The following PPM1B variants were observed in gnomAD, a reference collection of about 807,000 sequenced individuals.
The protein encoded by PPM1B is protein phosphatase, Mg2+/Mn2+ dependent 1B.
A neutral mutation model predicts 43.0 loss-of-function variants in PPM1B; 22 were observed. The observed-to-expected ratio is 0.51, with a 90% CI of 0.37 to 0.73. The LOEUF (loss-of-function observed/expected upper bound fraction) is 0.73, where lower values mean the gene tolerates loss of function less well. Ranked by LOEUF, PPM1B falls within the 30% of genes least tolerant of loss-of-function variation. PPM1B has a pLI of 0.00. For missense variants in PPM1B, 632 were observed against 584.2 expected, an observed-to-expected ratio of 1.08 and a Z score of -0.84; for synonymous variants, 217 against 197.9, an observed-to-expected ratio of 1.10 and a Z score of -0.81.
downstream of PPM1B, chr2:44,233,152 GGTT>G (rs1234369909): frequency 1.0e-6 from 1 of 966,066 alleles, no homozygotes; most frequent in East Asian, 1.1e-4. Flanking sequence ...TTTACATGTG[GGTT>G]TCTATAGTTT....
rs1444824670 is a variant in PPM1B at position 44,241,295 on chromosome 2, G to T, written n.1547-2933G>T. ...TGGGATTACAGGTGTGAGCCACCGTGCCCGGCCAGGAAGCATCTTAACAAT... is the reference window on the plus strand; with the variant it reads ...TGGGATTACAGGTGTGAGCCACCGTTCCCGGCCAGGAAGCATCTTAACAAT... On this transcript the variant is annotated intron_variant and non_coding_transcript_variant, in intron 5 of 5. Transcript: ENST00000378540. Among the ~76,000 whole-genome samples, 3 of 144,288 alleles carry T rather than the reference G, an allele frequency of 2.1e-5. 1 individual carries two copies. The East Asian group carries it at 6.3e-4, about 31-fold the overall frequency. The allele number at this position is 144,288 out of a possible 152,430, so 94.7% of individuals were successfully genotyped here.
chr2:44,238,173 G>A (rs1275126994), downstream of PPM1B, among the ~76,000 whole-genome samples: 2 of 152,016 alleles, frequency 1.3e-5, no homozygotes, highest in Non-Finnish European at 2.9e-5. Flanking sequence ...GAAGTGCTGG[G>A]ATTCCAGGCG....
chr2:44,187,365 C>A (rs1668173618), intron 1 of PPM1B, among the ~76,000 whole-genome samples: 1 of 152,134 alleles, frequency 6.6e-6, no homozygotes, highest in Admixed American at 6.6e-5. Context: ...AATATGGGTA[C>A]TACGATCATG....
chr2:44,218,421 T>C (rs906977056), intron 4 of PPM1B, 59 bp from the exon 5 acceptor site: 2 of 1,321,840 alleles, frequency 1.5e-6, no homozygotes, highest in African/African-American at 1.5e-5. Context: ...TATTGAGATA[T>C]TCACAAGCTT....
rs200870047 is a variant in PPM1B at position 44,230,442 on chromosome 2, A to G, written c.1164A>G (p.Ser388=). ...GASDEAEESG[S]QGKLVEALRQ... ...CCGATGAAGCAGAGGAAAGTGGATC[A>G]CAGGGAAAATTGGTGGAAGCTCTCA... is the stretch of plus-strand genomic sequence containing the variant. Residue 388 remains serine (S), a synonymous_variant, in exon 6 of 6, where the codon TCA becomes TCG. Transcript: ENST00000282412. 1.2e-6 allele frequency: 2 copies of G among 1,614,200 alleles called. No homozygotes were observed. Among genetic ancestry groups the G allele is most frequent in the African/African-American group, 1.3e-5 (1 of 75,070 alleles).
Position 44,230,586 on chromosome 2 carries a change from T to C in PPM1B, c.1308T>C (p.Ala436=). 1.9e-6 allele frequency: 3 copies of C among 1,614,172 alleles called. No homozygotes were observed. The South Asian group carries it at 3.3e-5, about 18-fold the overall frequency. The change falls in exon 6 of 6, where the codon GCT becomes GCC. Residue 436 remains alanine (A), a synonymous_variant. Coordinates refer to ENST00000282412, the MANE Select transcript of PPM1B (RefSeq NM_002706.6). The part of the protein sequence containing the change: ...EESPAEPAAT[A]TSSNSDAGNP... ...GCCCTGCTGAACCAGCTGCCACAGC[T>C]ACTTCTTCGAACAGTGATGCTGGAA...
At chr2:44,197,269 G>C (rs578082269) in intron 1 of PPM1B, among the ~76,000 whole-genome samples, 1 of 151,988 alleles carries the variant, frequency 6.6e-6, no homozygotes, top group Non-Finnish European at 1.5e-5. Context: ...ACAGCCGTGC[G>C]CCACCATGTC....
intron 5 of PPM1B, chr2:44,218,854 G>C (rs1210748878): frequency 2.2e-6 from 1 of 463,468 alleles, no homozygotes; most frequent in South Asian, 1.6e-5. Context: ...AGGCAAGAAT[G>C]CTCTTTTAAA....
chr2:44,232,553 T>A, downstream of PPM1B: 4 of 1,407,432 alleles, frequency 2.8e-6, no homozygotes, highest in Non-Finnish European at 2.8e-6. Flanking sequence ...ACTACAGTAT[T>A]TTTTGCCAAC....
In PPM1B at chr2:44,213,431, G is replaced by A. The variant is rs116395668; in HGVS notation, c.964+4104G>A. Among the ~76,000 whole-genome samples, 1,478 of 151,554 alleles carry A rather than the reference G, an allele frequency of 9.8e-3. 15 individuals are homozygous for A. The highest frequency in any genetic ancestry group is 0.015 in the Non-Finnish European group (1,029 of 67,926). On this transcript the variant is annotated intron_variant, in intron 3 of 5. Coordinates refer to ENST00000282412, the MANE Select transcript of PPM1B (RefSeq NM_002706.6). ...GTTGAATTTGGCCATTTTGTATATA[G>A]TATAATAGCTTTGTTGAATTTGGTC...
At chr2:44,222,007 G>A (rs10445926) in intron 5 of PPM1B, among the ~76,000 whole-genome samples, 37,832 of 151,684 alleles carry the variant, frequency 0.25, 5,770 homozygotes, top group African/African-American at 0.43. Flanking sequence ...TGTAACAAAG[G>A]GTTTAGCCAG....
chr2:44,172,901 C>A (rs1030737712), intron 1 of PPM1B, among the ~76,000 whole-genome samples: 1 of 152,198 alleles, frequency 6.6e-6, no homozygotes, highest in African/African-American at 2.4e-5. Flanking sequence ...AGTGAAACCA[C>A]GCCTCTATTT....
intron 1 of PPM1B, among the ~76,000 whole-genome samples, chr2:44,180,872 T>C (rs960898536): frequency 1.3e-5 from 2 of 151,544 alleles, no homozygotes; most frequent in African/African-American, 2.4e-5. Context: ...AGAGCAAAAA[T>C]GTTAAAAGGA....
At chr2:44,179,041 A>G (rs548130213) in intron 1 of PPM1B, among the ~76,000 whole-genome samples, 1 of 152,138 alleles carries the variant, frequency 6.6e-6, no homozygotes, top group Non-Finnish European at 1.5e-5. Flanking sequence ...GAGGGACCCC[A>G]TGGGAGGTAA....
At chr2:44,171,585 T>A (rs12619875) in intron 1 of PPM1B, among the ~76,000 whole-genome samples, 20,107 of 151,664 alleles carry the variant, frequency 0.13, 1,642 homozygotes, top group South Asian at 0.22. Context: ...ATCTCAGCAC[T>A]TTGGGAGGCT....
intron 5 of PPM1B, among the ~76,000 whole-genome samples, chr2:44,223,814 TAAAAAAA>T (rs58530902): frequency 5.5e-5 from 2 of 36,058 alleles, no homozygotes; most frequent in African/African-American, 1.0e-4. Context: ...GGACTCTGTC[TAAAAAAA>T]AAAAAAAAAA....
intron 1 of PPM1B, among the ~76,000 whole-genome samples, chr2:44,179,337 T>G: frequency 6.6e-6 from 1 of 152,336 alleles, no homozygotes; most frequent in Middle Eastern, 3.4e-3. Flanking sequence ...AATTAAATAT[T>G]TAAAATCCAT....
intron 2 of PPM1B, among the ~76,000 whole-genome samples, chr2:44,204,858 CA>C (rs368660082): frequency 0.025 from 926 of 36,652 alleles, no homozygotes; most frequent in African/African-American, 0.032. Context: ...GACTCCGTCT[CA>C]AAAAAAAAAA....
chr2:44,199,928 A>T (rs937712028), intron 1 of PPM1B, among the ~76,000 whole-genome samples: 1 of 152,184 alleles, frequency 6.6e-6, no homozygotes, highest in African/African-American at 2.4e-5. Flanking sequence ...AAAGTTCAAT[A>T]ATGATCATAC....
Sources: gnomAD v4.1 joint callset for allele counts (sites outside exome capture counted in the v4.1 genomes callset) on GRCh38, gnomAD v4.1.1 for gene constraint, MANE v1.5 for transcripts, NCBI Gene and HGNC (gene_info 2026-07-23, HGNC 2026-07-21) for gene names.